Variants in NCAPH observed in about 807,000 individuals in gnomAD.
NCAPH encodes condensin complex subunit 2.
Under a neutral mutation model 85.5 loss-of-function variants are expected in NCAPH, and 38 were observed. That is an observed-to-expected ratio of 0.44 (90% CI 0.34 to 0.58). The LOEUF (loss-of-function observed/expected upper bound fraction) is 0.58, where lower values mean the gene tolerates loss of function less well. Ranked by LOEUF, NCAPH falls within the 20% of genes least tolerant of loss-of-function variation. NCAPH has a pLI of 0.01. For missense variants in NCAPH, 789 were observed against 916.6 expected (o/e 0.86, Z 1.80); for synonymous variants, 301 against 335.1 (o/e 0.90, Z 1.11).
At chr2:96,359,419 A>C in intron 10 of NCAPH, 1 of 537,320 alleles carries the variant, frequency 1.9e-6, no homozygotes, top group Non-Finnish European at 3.3e-6. Context: ...TACTGGAGTC[A>C]GGAGAACTGG....
Position 96,344,097 on chromosome 2 carries a change from C to G in NCAPH, c.596-8C>G. 1.2e-6 allele frequency: 2 copies of G among 1,607,958 alleles called. No homozygotes were observed. Among genetic ancestry groups the G allele is most frequent in the Admixed American group, 3.4e-5 (2 of 58,188 alleles). ...CCTTGCAGTACGCAATTGTATTTCT[C>G]CTTTTAGATGGAAGTGCTACTGAAA... On this transcript the variant is annotated splice_region_variant and splice_polypyrimidine_tract_variant and intron_variant, in intron 5 of 17. Transcript: ENST00000240423.
At chr2:96,350,650 C>T (rs994064117) in intron 6 of NCAPH, among the ~76,000 whole-genome samples, 5 of 152,054 alleles carry the variant, frequency 3.3e-5, no homozygotes, top group Admixed American at 1.3e-4. Flanking sequence ...GTGGAGATGA[C>T]GAATGTGCTG....
At chr2:96,343,747 C>T (rs2064327370) in intron 5 of NCAPH, among the ~76,000 whole-genome samples, 1 of 151,006 alleles carries the variant, frequency 6.6e-6, no homozygotes, top group South Asian at 2.1e-4. Context: ...GTCACCCAGG[C>T]TGGTATGCAG....
intron 5 of NCAPH, 61 bp from the exon 6 acceptor site, chr2:96,344,044 G>A: frequency 3.2e-6 from 5 of 1,558,054 alleles, no homozygotes; most frequent in Non-Finnish European, 3.5e-6. Context: ...ACTTGAGTTA[G>A]TAAGTTCATC....
At chr2:96,353,600 G>A (rs2064479752) in intron 8 of NCAPH, among the ~76,000 whole-genome samples, 1 of 152,220 alleles carries the variant, frequency 6.6e-6, no homozygotes, top group Admixed American at 6.5e-5. Context: ...AGGTAAGTGA[G>A]TTCCAGGATC....
Position 96,341,668 on chromosome 2 carries a change from T to G in NCAPH, c.46T>G (p.Ser16Ala), listed in dbSNP as rs776708946. ...ACTGCCAGCCACAATGAATAACTCT[T>G]CTTCAGAGACGCGAGGACACCCCCA... ...PALPATMNNSSSETRGHPHSA... is the reference protein window; with the variant it reads ...PALPATMNNSASETRGHPHSA... Residue 16 changes from serine (S) to alanine (A), a missense_variant, in exon 2 of 18, where the codon TCT (serine) becomes GCT (alanine). Transcript: ENST00000240423. 9 of 1,613,984 alleles carry G rather than the reference T, an allele frequency of 5.6e-6. No individual in the cohort carries two copies. The highest frequency in any genetic ancestry group is 7.6e-6 in the Non-Finnish European group (9 of 1,179,918).
At chr2:96,340,783 CTT>C (rs745890722) in intron 1 of NCAPH, among the ~76,000 whole-genome samples, 17 of 124,034 alleles carry the variant, frequency 1.4e-4, no homozygotes, top group Admixed American at 4.0e-4. Flanking sequence ...CATGTCCGGC[CTT>C]TTTTTTTTTT....
At position 96,375,422 on chromosome 2, in the gene NCAPH, A is replaced by G. The variant is rs2064821596; in HGVS notation, c.*2071A>G. On this transcript the variant is annotated 3_prime_UTR_variant, in exon 18 of 18. Transcript: ENST00000240423. ...AGGTTATGAGGGCAGATCCCTCGTG[A>G]ATGGGATTAGTGCTCTTATAAAAGA... Among the ~76,000 whole-genome samples the G allele has an allele frequency of 6.6e-6, 1 of 152,114 alleles. No homozygotes were observed.
intron 1 of NCAPH, among the ~76,000 whole-genome samples, chr2:96,338,833 C>T (rs1274108534): frequency 2.0e-5 from 3 of 152,228 alleles, no homozygotes; most frequent in African/African-American, 4.8e-5. Flanking sequence ...TTTTTTGAGA[C>T]GGAGTCTCAC....
In NCAPH at chr2:96,364,400, C is replaced by T. The variant is rs1203546597; in HGVS notation, c.1588-81C>T. ...TGTATAATTCTAGGAGGAGATTGGG[C>T]ATAGGAATTAAGATTTACTTCTCTA... On this transcript the variant is annotated intron_variant, in intron 12 of 17. Transcript: ENST00000240423. The T allele has an allele frequency of 1.2e-5, 10 of 852,312 alleles. No individual in the cohort carries two copies. In the East Asian group the frequency reaches 2.7e-4, roughly 23 times the overall value. The allele number at this position is 852,312 out of a possible 1,614,324, so 52.8% of individuals were successfully genotyped here.
At chr2:96,358,898 A>C in intron 9 of NCAPH, 147 bp from the exon 10 acceptor site, 1 of 743,456 alleles carries the variant, frequency 1.3e-6, no homozygotes, top group Non-Finnish European at 2.1e-6. Flanking sequence ...GGGAAGGAAA[A>C]GTACTTGAGA....
intron 12 of NCAPH, among the ~76,000 whole-genome samples, chr2:96,363,263 C>T (rs2064651864): frequency 6.6e-6 from 1 of 152,122 alleles, no homozygotes; most frequent in Non-Finnish European, 1.5e-5. Context: ...TTAATAGACT[C>T]CAGCATAGTA....
intron 8 of NCAPH, 92 bp from the exon 9 acceptor site, chr2:96,354,091 C>T (rs977680850): frequency 1.8e-4 from 239 of 1,314,502 alleles, no homozygotes; most frequent in Non-Finnish European, 2.2e-4. Context: ...AGGCTGGAAA[C>T]TGAAATTTAA....
chr2:96,368,936 C>A, intron 15 of NCAPH, 36 bp from the exon 16 acceptor site: 1 of 1,544,208 alleles, frequency 6.5e-7, no homozygotes, highest in Non-Finnish European at 8.8e-7. Context: ...AGTGCACTAG[C>A]CCTAACTGTC....
At chr2:96,360,372 A>C (rs928661411) in intron 11 of NCAPH, 123 bp downstream of exon 11, 54 of 798,378 alleles carry the variant, frequency 6.8e-5, no homozygotes, top group Non-Finnish European at 9.4e-5. Context: ...CTTGTTCCTT[A>C]AACGCACTAT....
chr2:96,342,023 A>C, intron 2 of NCAPH, 27 bp from the exon 3 acceptor site: 1 of 1,604,822 alleles, frequency 6.2e-7, no homozygotes, highest in African/African-American at 1.3e-5. Flanking sequence ...TTCTTGCCAG[A>C]GTTGTTTGTT....
chr2:96,366,183 G>C, intron 14 of NCAPH, 125 bp downstream of exon 14: 6 of 1,084,326 alleles, frequency 5.5e-6, no homozygotes, highest in Non-Finnish European at 7.9e-6. Flanking sequence ...TGCTCTCCAA[G>C]TTTTAAATAG....
intron 16 of NCAPH, 71 bp from the exon 17 acceptor site, chr2:96,369,354 T>C (rs1391959984): frequency 5.4e-6 from 7 of 1,300,342 alleles, no homozygotes; most frequent in Admixed American, 5.0e-5. Context: ...GTGTGTATTA[T>C]TCATACTTGA....
rs772630186 is a variant in NCAPH, at chr2:96,368,948, G to A, written c.1999-24G>A. ...AAAAGTGCACTAGCCCTAACTGTCC[G>A]ATGTATAAATGTGCTTCTGTTAGGC... On this transcript the variant is annotated intron_variant, in intron 15 of 17. Transcript: ENST00000240423. 9.7e-6 allele frequency: 15 copies of A among 1,548,814 alleles called. No homozygotes were observed. The South Asian group carries it at 1.2e-4, about 12-fold the overall frequency.
Sources: gnomAD v4.1 joint callset for allele counts (sites outside exome capture counted in the v4.1 genomes callset) on GRCh38, gnomAD v4.1.1 for gene constraint, MANE v1.5 for transcripts, NCBI Gene and HGNC (gene_info 2026-07-23, HGNC 2026-07-21) for gene names.